TRABD2B: variants seen among roughly 807,000 people sequenced by gnomAD.
TRABD2B encodes the protein metalloprotease TIKI2.
In TRABD2B, 14 loss-of-function variants were observed where a neutral mutation model predicts 40.1. That is an observed-to-expected ratio of 0.35 (90% CI 0.23 to 0.55). TRABD2B has a LOEUF of 0.55. TRABD2B is among the 20% of genes least tolerant of loss of function. The pLI, the probability that TRABD2B is intolerant of heterozygous loss-of-function variation, is 0.90. For synonymous variants in TRABD2B, 263 were observed against 277.0 expected, an observed-to-expected ratio of 0.95 and a Z score of 0.50; for missense variants, 541 against 648.6, an observed-to-expected ratio of 0.83 and a Z score of 1.80.
intron 3 of TRABD2B, among the ~76,000 whole-genome samples, chr1:47,799,648 A>T (rs927091476): frequency 6.6e-6 from 1 of 152,068 alleles, no homozygotes; most frequent in African/African-American, 2.4e-5. Context: ...GCAAGTACTG[A>T]TGGAACACCA....
chr1:47,928,533 A>C (rs573295217), intron 2 of TRABD2B, among the ~76,000 whole-genome samples: 1 of 152,324 alleles, frequency 6.6e-6, no homozygotes, highest in African/African-American at 2.4e-5. Flanking sequence ...CTGTGAAAAG[A>C]CTGCTTTTCT....
intron 2 of TRABD2B, among the ~76,000 whole-genome samples, chr1:47,847,875 AT>A (rs1213075803): frequency 6.6e-6 from 1 of 152,354 alleles, no homozygotes; most frequent in African/African-American, 2.4e-5. Context: ...ATAGCGCCTC[AT>A]TACAGCCCTC....
Position 47,996,630 on chromosome 1 carries a change from C to A in TRABD2B, c.102+58G>T. On this transcript the variant is annotated intron_variant, in intron 1 of 6. Transcript: ENST00000606738. This position sits in a 1 kb window ranked among gnomAD's most constrained non-coding sequence, Gnocchi z 4.6. ...GCGGAAGCAGGACCCAAACCATGGTCCCACGGGACTAGAATACCCAGGCAG... is the reference window on the plus strand; with the variant it reads ...GCGGAAGCAGGACCCAAACCATGGTACCACGGGACTAGAATACCCAGGCAG... The A allele has an allele frequency of 8.2e-7, 1 of 1,220,066 alleles. No individual in the cohort carries two copies. The highest frequency in any genetic ancestry group is 4.2e-5 in the South Asian group (1 of 24,066). The allele number at this position is 1,220,066 out of a possible 1,614,324, so 75.6% of individuals were successfully genotyped here.
chr1:47,887,402 G>A (rs1324635316), intron 2 of TRABD2B, among the ~76,000 whole-genome samples: 3 of 151,556 alleles, frequency 2.0e-5, no homozygotes, highest in African/African-American at 7.3e-5. Flanking sequence ...CTTATGCCTA[G>A]TGGTTTTATC....
chr1:47,830,264 C>T (rs1158013015), intron 2 of TRABD2B, among the ~76,000 whole-genome samples: 1 of 152,226 alleles, frequency 6.6e-6, no homozygotes, highest in East Asian at 1.9e-4. Context: ...GGATGGCCCT[C>T]AATACATCTT....
At chr1:47,791,183 G>T (rs1233408966) in intron 4 of TRABD2B, among the ~76,000 whole-genome samples, 1 of 152,188 alleles carries the variant, frequency 6.6e-6, no homozygotes, top group Non-Finnish European at 1.5e-5. Context: ...CACTGGAGGG[G>T]CCAGGCAGGC....
At chr1:47,832,457 TG>T (rs1221437315) in intron 2 of TRABD2B, among the ~76,000 whole-genome samples, 1 of 152,092 alleles carries the variant, frequency 6.6e-6, no homozygotes, top group African/African-American at 2.4e-5. Context: ...AATCCTGTTT[TG>T]GGGGGGATGA....
chr1:47,897,774 C>T (rs1052805116), intron 2 of TRABD2B, among the ~76,000 whole-genome samples: 2 of 152,152 alleles, frequency 1.3e-5, no homozygotes, highest in African/African-American at 4.8e-5. Flanking sequence ...ACCCAATGGG[C>T]CAGACACTGC....
intron 5 of TRABD2B, among the ~76,000 whole-genome samples, chr1:47,778,074 A>C (rs1039234709): frequency 2.0e-4 from 31 of 152,148 alleles, no homozygotes; most frequent in Admixed American, 2.0e-3. Flanking sequence ...GCTGTGACCC[A>C]GGAAAGAGAC....
chr1:47,878,998 A>G (rs1934655), intron 2 of TRABD2B, among the ~76,000 whole-genome samples: 113,942 of 151,074 alleles, frequency 0.75, 43,415 homozygotes, highest in East Asian at 0.98. Flanking sequence ...CCAGCTACTG[A>G]AGACACTGAG....
chr1:47,962,109 A>T (rs2148406654), intron 2 of TRABD2B, among the ~76,000 whole-genome samples: 1 of 152,200 alleles, frequency 6.6e-6, no homozygotes, highest in South Asian at 2.1e-4. Flanking sequence ...AAACTATTGC[A>T]ACGACAGAAA....
At chr1:47,830,622 G>C (rs1479936133) in intron 2 of TRABD2B, among the ~76,000 whole-genome samples, 4 of 152,210 alleles carry the variant, frequency 2.6e-5, no homozygotes, top group Non-Finnish European at 5.9e-5. Context: ...CAAAGCTCTA[G>C]TCAGACATAT....
intron 5 of TRABD2B, among the ~76,000 whole-genome samples, chr1:47,777,937 A>G (rs1457111165): frequency 6.6e-6 from 1 of 152,104 alleles, no homozygotes; most frequent in African/African-American, 2.4e-5. Flanking sequence ...GATGGCCATT[A>G]GTGGCTATTT....
At chr1:47,831,707 C>T (rs931051825) in intron 2 of TRABD2B, among the ~76,000 whole-genome samples, 10 of 152,152 alleles carry the variant, frequency 6.6e-5, no homozygotes, top group South Asian at 2.1e-4. Context: ...ACCAGCGGGT[C>T]GCAAACTGGC....
chr1:47,995,896 A>C (rs1646083756), intron 1 of TRABD2B, among the ~76,000 whole-genome samples: 1 of 152,212 alleles, frequency 6.6e-6, no homozygotes, highest in Admixed American at 6.5e-5. Context: ...CCGGGCTAAC[A>C]GGCAGCACAC....
chr1:47,814,905 G>A (rs1645010070), intron 2 of TRABD2B, among the ~76,000 whole-genome samples: 1 of 152,228 alleles, frequency 6.6e-6, no homozygotes, highest in African/African-American at 2.4e-5. Flanking sequence ...GCAACAGGAT[G>A]GGAACACTGG....
At chr1:47,966,463 A>T (rs1645604389) in intron 2 of TRABD2B, among the ~76,000 whole-genome samples, 1 of 152,220 alleles carries the variant, frequency 6.6e-6, no homozygotes, top group African/African-American at 2.4e-5. Context: ...GGAGGCGCTC[A>T]CCAGACTGCC....
chr1:47,882,530 A>C (rs918786253), intron 2 of TRABD2B, among the ~76,000 whole-genome samples: 1 of 152,128 alleles, frequency 6.6e-6, no homozygotes, highest in Admixed American at 6.5e-5. Flanking sequence ...GGTCCATCAG[A>C]TGTTTGGTTC....
At position 47,791,898 on chromosome 1, in the gene TRABD2B, T is replaced by A. The variant is rs554237655; in HGVS notation, c.988+2688A>T. Among the ~76,000 whole-genome samples the A allele has an allele frequency of 3.9e-5, 6 of 152,218 alleles. No homozygotes were observed. In the South Asian group the frequency reaches 1.2e-3, roughly 32 times the overall value. On this transcript the variant is annotated intron_variant, in intron 4 of 6. Transcript: ENST00000606738. Reference sequence around the variant, plus strand: ...TGGATCATAGATCCTGGGCCTAGGGTACGGTTCTGGCCTTGTCCTGGACTT... The same window carrying A: ...TGGATCATAGATCCTGGGCCTAGGGAACGGTTCTGGCCTTGTCCTGGACTT...
Sources: gnomAD v4.1 joint callset for allele counts (sites outside exome capture counted in the v4.1 genomes callset) on GRCh38, gnomAD v4.1.1 for gene constraint, Gnocchi (gnomAD v3.1) non-coding constraint, MANE v1.5 for transcripts, NCBI Gene and HGNC (gene_info 2026-07-23, HGNC 2026-07-21) for gene names.